The following EXD1 variants were observed in gnomAD, a reference collection of about 807,000 sequenced individuals.
EXD1 encodes the protein exonuclease 3'-5' domain containing 1.
A neutral mutation model predicts 49.1 loss-of-function variants in EXD1; 63 were observed. That is an observed-to-expected ratio of 1.28 (90% CI 1.05 to 1.58). The LOEUF is 1.58. Ranked by LOEUF, EXD1 falls within the 40% of genes most tolerant of loss-of-function variation. The pLI is 0.00. For synonymous variants in EXD1, 234 were observed against 239.2 expected (o/e 0.98, Z 0.20); for missense variants, 748 against 666.0 (o/e 1.12, Z -1.36).
At chr15:41,191,189 G>C (rs2140816274) in intron 10 of EXD1, among the ~76,000 whole-genome samples, 1 of 152,278 alleles carries the variant, frequency 6.6e-6, no homozygotes, top group Middle Eastern at 3.4e-3. Context: ...GCCTCCCAAA[G>C]TGTTGGGATT....
chr15:41,201,772 G>C (rs566483897), intron 7 of EXD1, among the ~76,000 whole-genome samples: 2 of 152,230 alleles, frequency 1.3e-5, no homozygotes, highest in East Asian at 3.9e-4. Context: ...AGAGGCCTGA[G>C]TCACCGTGCC....
In EXD1 at chr15:41,215,852, A is replaced by C; in HGVS notation, c.389-19T>G. ...TCTTCCTCTACAAGACAAGGATTGC[A>C]TTAGATATATTTCTCTTCCTCAGCA... On this transcript the variant is annotated intron_variant, in intron 5 of 11. Coordinates refer to ENST00000458580, the MANE Select transcript of EXD1 (RefSeq NM_001286441.2). 4 of 1,610,798 alleles carry C rather than the reference A, an allele frequency of 2.5e-6. No homozygotes were observed. Among genetic ancestry groups the C allele is most frequent in the Non-Finnish European group, 3.4e-6 (4 of 1,177,328 alleles).
chr15:41,202,075 G>T (rs934736033), intron 7 of EXD1, among the ~76,000 whole-genome samples: 2 of 151,884 alleles, frequency 1.3e-5, no homozygotes, highest in Admixed American at 1.3e-4. Context: ...TGCCACTTCT[G>T]TCATTTCAGG....
chr15:41,215,142 C>T (rs1056858531), intron 6 of EXD1, among the ~76,000 whole-genome samples: 2 of 152,222 alleles, frequency 1.3e-5, no homozygotes, highest in African/African-American at 4.8e-5. Context: ...GTCTATCCCA[C>T]ATAAAATAGG....
rs1181739844 is a variant in EXD1, at chr15:41,192,989, G to T, written c.721-1404C>A. On this transcript the variant is annotated intron_variant, in intron 9 of 11. Coordinates refer to ENST00000458580, the MANE Select transcript of EXD1 (RefSeq NM_001286441.2). ...TTTTTTGTATTTTTAGTACAGACAG[G>T]GTTTCACCGTGCTCTCGATCTCCTG... is the stretch of plus-strand genomic sequence containing the variant. Among the ~76,000 whole-genome samples, 4 of 151,618 alleles carry T rather than the reference G, an allele frequency of 2.6e-5. No homozygotes were observed. The East Asian group carries it at 7.8e-4, about 30-fold the overall frequency.
At position 41,222,877 on chromosome 15, in the gene EXD1, A is replaced by C. The variant is rs1432932458; in HGVS notation, c.134-2979T>G. On this transcript the variant is annotated intron_variant, in intron 2 of 11. Coordinates refer to ENST00000458580, the MANE Select transcript of EXD1 (RefSeq NM_001286441.2). ...CTTGAACTCGGGAGGCAGAGGTTCC[A>C]GTGAATCAAGATTGAGCCACTGCAC... is the stretch of plus-strand genomic sequence containing the variant. Among the ~76,000 whole-genome samples, 6 of 147,182 alleles carry C rather than the reference A, an allele frequency of 4.1e-5. No individual in the cohort carries two copies. The East Asian group carries it at 1.2e-3, about 30-fold the overall frequency.
chr15:41,188,069 A>G (rs1300160736), intron 11 of EXD1, among the ~76,000 whole-genome samples: 2 of 151,984 alleles, frequency 1.3e-5, no homozygotes, highest in African/African-American at 2.4e-5. Flanking sequence ...ATCAATATTC[A>G]TAAGTAAAAG....
chr15:41,205,655 G>A (rs1449266255), intron 7 of EXD1, among the ~76,000 whole-genome samples: 2 of 146,184 alleles, frequency 1.4e-5, no homozygotes, highest in Non-Finnish European at 3.0e-5. Flanking sequence ...GGATGTGCCT[G>A]TAGTCCCATT....
Position 41,204,882 on chromosome 15 carries a change from C to T in EXD1, c.534+4619G>A, listed in dbSNP as rs141458401. Among the ~76,000 whole-genome samples, 511 of 152,086 alleles carry T rather than the reference C, an allele frequency of 3.4e-3. 2 individuals carry two copies. The highest frequency in any genetic ancestry group is 0.012 in the African/African-American group (485 of 41,498). On this transcript the variant is annotated intron_variant, in intron 7 of 11. Coordinates refer to ENST00000458580, the MANE Select transcript of EXD1 (RefSeq NM_001286441.2). ...CTTATTTGACAGTAGGTCATAGATCCCCATTCTATAGAGGGTCCCGCTACA... is the reference window on the plus strand; with the variant it reads ...CTTATTTGACAGTAGGTCATAGATCTCCATTCTATAGAGGGTCCCGCTACA...
chr15:41,221,742 C>T (rs12899008), intron 2 of EXD1, among the ~76,000 whole-genome samples: 1 of 151,904 alleles, frequency 6.6e-6, no homozygotes, highest in African/African-American at 2.4e-5. Flanking sequence ...TCTTAGTTGT[C>T]CTGACATTCA....
rs2046351199 is a variant in EXD1, at chr15:41,183,341, TAA to T, written c.*588_*589del. 1 of 152,126 alleles carries T rather than the reference TAA, an allele frequency of 6.6e-6. No homozygotes were observed. 9.4% of individuals were successfully genotyped at this position (152,126 alleles called of 1,614,324 possible). A position where few individuals can be genotyped will look rare whatever the true frequency, so the allele number is the denominator to read the frequency against. On this transcript the variant is annotated 3_prime_UTR_variant, in exon 12 of 12. Coordinates refer to ENST00000458580, the MANE Select transcript of EXD1 (RefSeq NM_001286441.2). Reference sequence around the variant, plus strand: ...ATTGATTCCTATAACATTATTTGCCTAAGAGACAGACAAAACATTCAACATTC... The same window carrying T: ...ATTGATTCCTATAACATTATTTGCCTGAGACAGACAAAACATTCAACATTC...
chr15:41,217,225 C>T, intron 3 of EXD1, 71 bp from the exon 4 acceptor site: 3 of 1,285,160 alleles, frequency 2.3e-6, no homozygotes, highest in Non-Finnish European at 3.3e-6. Context: ...ACTACCCACA[C>T]ACCCCTAGTT....
At chr15:41,186,470 C>CAAAA (rs58793050) in intron 11 of EXD1, among the ~76,000 whole-genome samples, 4 of 68,282 alleles carry the variant, frequency 5.9e-5, no homozygotes, top group Non-Finnish European at 8.2e-5. Flanking sequence ...GACTCTGTCT[C>CAAAA]AAAAAAAAAA....
At chr15:41,188,800 C>A (rs1405059806) in intron 11 of EXD1, among the ~76,000 whole-genome samples, 1 of 132,604 alleles carries the variant, frequency 7.5e-6, no homozygotes, top group South Asian at 2.5e-4. Context: ...TCTTTTCTTT[C>A]TTCTTTTTTT....
rs941777420 is a variant in EXD1 at position 41,230,539 on chromosome 15, G to T, written c.-114C>A. 6.2e-7 allele frequency: 1 copy of T among 1,614,182 alleles called. No homozygotes were observed. The highest frequency in any genetic ancestry group is 1.7e-5 in the Admixed American group (1 of 60,024). ...GCTTTTTCCTCCGAAGGAAGTTTGG[G>T]AAATCTGGATCCTAATTTCAGCCAA... On this transcript the variant is annotated 5_prime_UTR_variant, in exon 1 of 12. Transcript: ENST00000458580.
In EXD1 at chr15:41,215,862, T is replaced by C. The variant is rs182024066; in HGVS notation, c.389-29A>G. 7.8e-5 allele frequency: 126 copies of C among 1,605,632 alleles called. 1 individual carries two copies. In the East Asian group the frequency reaches 2.5e-3, roughly 32 times the overall value. ...CAAGACAAGGATTGCATTAGATATATTTCTCTTCCTCAGCAACAGAATAGC... is the reference window on the plus strand; with the variant it reads ...CAAGACAAGGATTGCATTAGATATACTTCTCTTCCTCAGCAACAGAATAGC... On this transcript the variant is annotated intron_variant, in intron 5 of 11. Coordinates refer to ENST00000458580, the MANE Select transcript of EXD1 (RefSeq NM_001286441.2).
intron 1 of EXD1, among the ~76,000 whole-genome samples, chr15:41,229,244 G>A (rs1411337188): frequency 1.3e-5 from 2 of 152,204 alleles, no homozygotes; most frequent in South Asian, 2.1e-4. Context: ...TTGGGAGGCC[G>A]AGGCGGGTGG....
intron 7 of EXD1, among the ~76,000 whole-genome samples, chr15:41,203,500 T>C (rs192361748): frequency 3.3e-4 from 51 of 152,310 alleles, no homozygotes; most frequent in Non-Finnish European, 5.6e-4. Context: ...AGTTTTTCTC[T>C]GACCTTCAGC....
At position 41,211,795 on chromosome 15, in the gene EXD1, T is replaced by TAAAAAAAA. The variant is rs57945609; in HGVS notation, c.448-2216_448-2209dup. 1.1e-3 allele frequency among the ~76,000 whole-genome samples: 129 copies of TAAAAAAAA among 119,606 alleles called. 1 individual carries two copies. The highest frequency in any genetic ancestry group is 2.6e-3 in the African/African-American group (76 of 29,328). The allele number at this position is 119,606 out of a possible 152,430, so 78.5% of individuals were successfully genotyped here. ...GGGAACACAACAAGACCTCATTTCT[T>TAAAAAAAA]AAAAAAAAAAAAAAAAAAGAGCTGG... is the stretch of plus-strand genomic sequence containing the variant. On this transcript the variant is annotated intron_variant, in intron 6 of 11. Coordinates refer to ENST00000458580, the MANE Select transcript of EXD1 (RefSeq NM_001286441.2).
Sources: gnomAD v4.1 joint callset for allele counts (sites outside exome capture counted in the v4.1 genomes callset) on GRCh38, gnomAD v4.1.1 for gene constraint, MANE v1.5 for transcripts, NCBI Gene and HGNC (gene_info 2026-07-23, HGNC 2026-07-21) for gene names.